Variants in GSTCD observed in about 807,000 individuals in gnomAD.
The protein encoded by GSTCD is glutathione S-transferase C-terminal domain-containing protein.
In GSTCD, 44 loss-of-function variants were observed where a neutral mutation model predicts 68.3. That is an observed-to-expected ratio of 0.64 (90% CI 0.51 to 0.83). The LOEUF (loss-of-function observed/expected upper bound fraction) is 0.83. Ranked by LOEUF, GSTCD falls within the 40% of genes least tolerant of loss-of-function variation. GSTCD has a pLI of 0.00. For missense variants in GSTCD, 739 were observed against 735.9 expected, an observed-to-expected ratio of 1.00 and a Z score of -0.05; for synonymous variants, 273 against 255.2, an observed-to-expected ratio of 1.07 and a Z score of -0.67.
At chr4:105,752,313 A>G (rs1734035097) in intron 5 of GSTCD, among the ~76,000 whole-genome samples, 2 of 152,076 alleles carry the variant, frequency 1.3e-5, no homozygotes, top group Admixed American at 6.6e-5. Context: ...TTATTATGTT[A>G]TGCTTTGTTC....
intron 5 of GSTCD, among the ~76,000 whole-genome samples, chr4:105,779,986 C>T (rs1012366141): frequency 1.3e-5 from 2 of 152,176 alleles, no homozygotes; most frequent in African/African-American, 2.4e-5. Flanking sequence ...ATTTTCCCCT[C>T]AAGAGAGAAA....
rs759715667 is a variant in GSTCD at position 105,846,766 on chromosome 4, C to G, written c.*1189C>G. The G allele has an allele frequency of 6.6e-6, 1 of 151,266 alleles. No homozygotes were observed. The highest frequency in any genetic ancestry group is 2.4e-5 in the African/African-American group (1 of 41,098). 9.4% of individuals were successfully genotyped at this position (151,266 alleles called of 1,614,324 possible). A position where few individuals can be genotyped will look rare whatever the true frequency, so the allele number is the denominator to read the frequency against. ...GGCTCACCACAACCTCTGCATTCTCCTGCCTCAGCCTCCCGAGTAGCTAGG... is the reference window on the plus strand; with the variant it reads ...GGCTCACCACAACCTCTGCATTCTCGTGCCTCAGCCTCCCGAGTAGCTAGG... On this transcript the variant is annotated 3_prime_UTR_variant, in exon 12 of 12. Coordinates refer to ENST00000515279, the MANE Select transcript of GSTCD (RefSeq NM_001370181.1).
chr4:105,804,859 G>A (rs560368324), intron 5 of GSTCD, among the ~76,000 whole-genome samples: 32 of 152,058 alleles, frequency 2.1e-4, no homozygotes, highest in Admixed American at 3.9e-4. Context: ...TGTTGTCATC[G>A]TTCAGCTCCC....
At chr4:105,737,696 T>C (rs951930162) in intron 5 of GSTCD, among the ~76,000 whole-genome samples, 1 of 152,196 alleles carries the variant, frequency 6.6e-6, no homozygotes, top group Non-Finnish European at 1.5e-5. Flanking sequence ...TATCCAGTTT[T>C]TCTAGTACCA....
intron 5 of GSTCD, among the ~76,000 whole-genome samples, chr4:105,784,050 T>TA (rs1379296059): frequency 6.6e-6 from 1 of 152,224 alleles, no homozygotes; most frequent in Non-Finnish European, 1.5e-5. Context: ...GTTAAGTACC[T>TA]AGTTAATATG....
chr4:105,797,811 A>G (rs1346831757), intron 5 of GSTCD, among the ~76,000 whole-genome samples: 4 of 123,298 alleles, frequency 3.2e-5, no homozygotes, highest in Non-Finnish European at 6.3e-5. Flanking sequence ...GTCTTGCCCT[A>G]TCACCCAGGC....
intron 5 of GSTCD, among the ~76,000 whole-genome samples, chr4:105,739,130 A>G (rs937337500): frequency 7.2e-5 from 11 of 152,182 alleles, no homozygotes; most frequent in Non-Finnish European, 1.6e-4. Flanking sequence ...GATATAATGT[A>G]TCTGATTTAT....
chr4:105,784,182 G>A (rs11733287), intron 5 of GSTCD, among the ~76,000 whole-genome samples: 8,179 of 152,234 alleles, frequency 0.054, 251 homozygotes, highest in Middle Eastern at 0.14. Context: ...AGCATCTGTC[G>A]TAGTTTGTTT....
At chr4:105,777,087 T>C (rs1487702539) in intron 5 of GSTCD, among the ~76,000 whole-genome samples, 1 of 152,218 alleles carries the variant, frequency 6.6e-6, no homozygotes, top group Non-Finnish European at 1.5e-5. Context: ...ACTTTCTTCA[T>C]GCAATGGGAG....
At chr4:105,841,199 C>T (rs1429753264) in intron 10 of GSTCD, among the ~76,000 whole-genome samples, 1 of 151,824 alleles carries the variant, frequency 6.6e-6, no homozygotes, top group Non-Finnish European at 1.5e-5. Flanking sequence ...TGGCGTGCGC[C>T]TGTAGTGCCA....
chr4:105,803,796 A>G (rs1346688100), intron 5 of GSTCD, among the ~76,000 whole-genome samples: 1 of 152,060 alleles, frequency 6.6e-6, no homozygotes, highest in East Asian at 1.9e-4. Context: ...TTCCATTTAT[A>G]TGAAGTTTAG....
chr4:105,840,252 A>G (rs760270000), intron 10 of GSTCD: 12 of 452,734 alleles, frequency 2.7e-5, no homozygotes, highest in South Asian at 7.8e-5. Flanking sequence ...TACAAACACC[A>G]TGAGGACAAA....
chr4:105,771,054 G>A (rs926873073), intron 5 of GSTCD, among the ~76,000 whole-genome samples: 1 of 152,054 alleles, frequency 6.6e-6, no homozygotes, highest in Non-Finnish European at 1.5e-5. Flanking sequence ...ACTTTTTAAT[G>A]ATCGCCATTC....
Position 105,772,425 on chromosome 4 carries a change from T to C in GSTCD, c.1240+42926T>C, listed in dbSNP as rs982296406. ...TGAATATGAGTGGTGAGAGAGGAGA[T>C]CCTTGTGCCAGTTTTCAAAGGGAAT... On this transcript the variant is annotated intron_variant, in intron 5 of 11. Transcript: ENST00000515279. 6.0e-5 allele frequency among the ~76,000 whole-genome samples: 9 copies of C among 151,116 alleles called. 1 individual carries two copies. The highest frequency in any genetic ancestry group is 5.3e-4 in the Admixed American group (8 of 15,160).
At chr4:105,743,877 G>T (rs1051991596) in intron 5 of GSTCD, among the ~76,000 whole-genome samples, 1 of 151,894 alleles carries the variant, frequency 6.6e-6, no homozygotes, top group Non-Finnish European at 1.5e-5. Context: ...AGCCAGGATG[G>T]TCTCAATCTC....
At chr4:105,794,036 G>A (rs1010750839) in intron 5 of GSTCD, among the ~76,000 whole-genome samples, 1 of 151,958 alleles carries the variant, frequency 6.6e-6, no homozygotes, top group African/African-American at 2.4e-5. Context: ...TTCTCTCTGT[G>A]TCCAAAAACT....
chr4:105,740,639 C>A (rs78497607), intron 5 of GSTCD, among the ~76,000 whole-genome samples: 1,613 of 152,254 alleles, frequency 0.011, 30 homozygotes, highest in African/African-American at 0.037. Flanking sequence ...AAAACTGAGA[C>A]TTAAACAGAC....
At chr4:105,730,613 T>G (rs1304134538) in intron 5 of GSTCD, among the ~76,000 whole-genome samples, 1 of 152,154 alleles carries the variant, frequency 6.6e-6, no homozygotes, top group African/African-American at 2.4e-5. Flanking sequence ...TGTAAATTTG[T>G]TTGAGTTCAT....
chr4:105,753,079 A>T (rs1734060826), intron 5 of GSTCD, among the ~76,000 whole-genome samples: 1 of 152,068 alleles, frequency 6.6e-6, no homozygotes, highest in African/African-American at 2.4e-5. Context: ...TAAGCACTTT[A>T]TATTTTTTTC....
Sources: allele counts gnomAD v4.1 joint callset (sites outside exome capture counted in the v4.1 genomes callset), GRCh38; gene constraint gnomAD v4.1.1; transcripts MANE v1.5; gene names NCBI Gene and HGNC (gene_info 2026-07-23, HGNC 2026-07-21).